Variants in PTPRR observed in about 807,000 individuals in gnomAD.
The protein encoded by PTPRR is protein tyrosine phosphatase receptor type R.
A neutral mutation model predicts 77.2 loss-of-function variants in PTPRR; 38 were observed. The ratio of observed to expected loss-of-function variants is 0.49; its 90% CI spans 0.38 to 0.65. PTPRR has a LOEUF of 0.65. PTPRR is among the 30% of genes least tolerant of loss of function. The pLI, the probability that PTPRR is intolerant of heterozygous loss-of-function variation, is 0.00. For missense variants in PTPRR, 744 were observed against 799.2 expected, an observed-to-expected ratio of 0.93 and a Z score of 0.83; for synonymous variants, 299 against 283.1, an observed-to-expected ratio of 1.06 and a Z score of -0.57.
At chr12:70,698,091 A>T (rs1440232776) in intron 8 of PTPRR, among the ~76,000 whole-genome samples, 174 bp downstream of exon 8, 1 of 152,094 alleles carries the variant, frequency 6.6e-6, no homozygotes, top group African/African-American at 2.4e-5. Context: ...TTTATACTTT[A>T]AGTTCTGGGA....
chr12:70,911,064 A>T (rs1893692091), intron 1 of PTPRR, among the ~76,000 whole-genome samples: 1 of 152,158 alleles, frequency 6.6e-6, no homozygotes, highest in Non-Finnish European at 1.5e-5. Context: ...CCTGGGTTTT[A>T]GGGGAGTGGT....
intron 2 of PTPRR, among the ~76,000 whole-genome samples, chr12:70,883,431 T>C (rs890326522): frequency 6.6e-6 from 1 of 152,210 alleles, no homozygotes; most frequent in African/African-American, 2.4e-5. Context: ...ATTACCTAAG[T>C]GTGCATAATA....
chr12:70,697,830 A>G (rs1888282004), intron 8 of PTPRR, among the ~76,000 whole-genome samples: 1 of 152,144 alleles, frequency 6.6e-6, no homozygotes, highest in East Asian at 1.9e-4. Context: ...CTTGACAAAA[A>G]TCAGGTAGCC....
At chr12:70,705,552 TCCCG>T (rs1888588789) in intron 6 of PTPRR, among the ~76,000 whole-genome samples, 2 of 152,026 alleles carry the variant, frequency 1.3e-5, no homozygotes, top group Admixed American at 1.3e-4. Flanking sequence ...TTTCTTGTAG[TCCCG>T]GAAGATGTAC....
At chr12:70,668,213 GAAGGAAGAGGAGGAGAGGAGGAT>G (rs1260323309) in intron 10 of PTPRR, among the ~76,000 whole-genome samples, 2 of 152,036 alleles carry the variant, frequency 1.3e-5, no homozygotes, top group East Asian at 3.9e-4. Context: ...AGGAGGAAGA[GAAGGAAGAGGAGGAGAGGAGGAT>G]AAGGAAGAGG....
intron 10 of PTPRR, among the ~76,000 whole-genome samples, chr12:70,681,587 T>G (rs979167345): frequency 1.3e-5 from 2 of 152,220 alleles, no homozygotes; most frequent in African/African-American, 4.8e-5. Context: ...TGACCCTCAC[T>G]AAAGGTCTCC....
At chr12:70,866,868 C>A (rs1202210569) in intron 2 of PTPRR, among the ~76,000 whole-genome samples, 2 of 151,980 alleles carry the variant, frequency 1.3e-5, no homozygotes, top group Non-Finnish European at 2.9e-5. Flanking sequence ...GGATGCAAGG[C>A]TGGTTCAACA....
intron 2 of PTPRR, among the ~76,000 whole-genome samples, chr12:70,776,140 T>G (rs931503877): frequency 6.6e-6 from 1 of 152,136 alleles, no homozygotes; most frequent in Non-Finnish European, 1.5e-5. Flanking sequence ...ACAATCAAAT[T>G]TGCTTCTCTT....
intron 12 of PTPRR, 117 bp from the exon 13 acceptor site, chr12:70,656,934 T>C: frequency 1.5e-6 from 1 of 678,836 alleles, no homozygotes; most frequent in South Asian, 1.8e-5. Context: ...ATTCACATAT[T>C]GAGTATTATA....
intron 13 of PTPRR, among the ~76,000 whole-genome samples, chr12:70,648,070 A>AATCC (rs1454838003): frequency 1.3e-5 from 2 of 152,090 alleles, no homozygotes; most frequent in Non-Finnish European, 2.9e-5. Flanking sequence ...GAACCCCCAA[A>AATCC]ATCCAGAATT....
chr12:70,663,477 T>C (rs1036958049), intron 10 of PTPRR, among the ~76,000 whole-genome samples: 2 of 152,202 alleles, frequency 1.3e-5, no homozygotes, highest in Non-Finnish European at 2.9e-5. Flanking sequence ...CATGTTATTA[T>C]TGCTGTTGTT....
At chr12:70,677,063 CTGTT>C (rs1215904988) in intron 10 of PTPRR, among the ~76,000 whole-genome samples, 1 of 151,952 alleles carries the variant, frequency 6.6e-6, no homozygotes, top group Non-Finnish European at 1.5e-5. Flanking sequence ...GGATATATTT[CTGTT>C]TATTTGTGTT....
At chr12:70,665,863 A>T (rs560258170) in intron 10 of PTPRR, among the ~76,000 whole-genome samples, 1 of 152,202 alleles carries the variant, frequency 6.6e-6, no homozygotes, top group African/African-American at 2.4e-5. Flanking sequence ...ATTGCTCTAT[A>T]AGCTAAAGAT....
intron 2 of PTPRR, among the ~76,000 whole-genome samples, chr12:70,856,739 T>G (rs200874932): frequency 1.3e-5 from 2 of 151,596 alleles, no homozygotes; most frequent in East Asian, 3.9e-4. Flanking sequence ...AGTATATCAG[T>G]TAGAATTATT....
At chr12:70,763,803 C>T (rs997048551) in intron 3 of PTPRR, among the ~76,000 whole-genome samples, 1 of 152,132 alleles carries the variant, frequency 6.6e-6, no homozygotes, top group Non-Finnish European at 1.5e-5. Context: ...ACTGAGGTGA[C>T]TAGCTTTTTA....
chr12:70,902,776 G>A (rs1354400270), intron 1 of PTPRR, among the ~76,000 whole-genome samples: 1 of 151,634 alleles, frequency 6.6e-6, no homozygotes, highest in African/African-American at 2.4e-5. Context: ...CTAACAAATA[G>A]GGTGCAGTAC....
At chr12:70,853,616 C>T (rs763840558) in intron 2 of PTPRR, among the ~76,000 whole-genome samples, 18 of 152,224 alleles carry the variant, frequency 1.2e-4, no homozygotes, top group East Asian at 5.8e-4. Context: ...TTGGCCTGAC[C>T]GCAAATATGC....
At chr12:70,820,834 C>T (rs1891994521) in intron 2 of PTPRR, among the ~76,000 whole-genome samples, 1 of 152,188 alleles carries the variant, frequency 6.6e-6, no homozygotes, top group African/African-American at 2.4e-5. Context: ...TAGCAAGAAT[C>T]ACACCACTCC....
intron 13 of PTPRR, among the ~76,000 whole-genome samples, chr12:70,651,248 C>T (rs867389721): frequency 1.3e-5 from 2 of 152,220 alleles, no homozygotes; most frequent in African/African-American, 4.8e-5. Flanking sequence ...CCAGGAGTTA[C>T]ACTCTCTCCA....
Sources: allele counts gnomAD v4.1 joint callset (sites outside exome capture counted in the v4.1 genomes callset), GRCh38; gene constraint gnomAD v4.1.1; transcripts MANE v1.5; gene names NCBI Gene and HGNC (gene_info 2026-07-23, HGNC 2026-07-21).